Variants in UST observed in about 807,000 individuals in gnomAD.
UST encodes the protein chondroitin sulfate 2-O-sulfotransferase.
A neutral mutation model predicts 45.6 loss-of-function variants in UST; 21 were observed. The observed-to-expected ratio is 0.46, with a 90% CI of 0.33 to 0.66. UST has a LOEUF of 0.66. UST is among the 30% of genes least tolerant of loss of function. The pLI, the probability that UST is intolerant of heterozygous loss-of-function variation, is 0.02. For synonymous variants in UST, 215 were observed against 200.6 expected, an observed-to-expected ratio of 1.07 and a Z score of -0.61; for missense variants, 463 against 512.4, an observed-to-expected ratio of 0.90 and a Z score of 0.93.
intron 4 of UST, chr6:148,956,207 C>T (rs1780496623): frequency 6.5e-6 from 1 of 152,904 alleles, no homozygotes; most frequent in African/African-American, 2.4e-5. Flanking sequence ...ATGCTCTGAA[C>T]CTGTGAAGGA....
chr6:148,886,913 C>G (rs1210546597), intron 1 of UST, 73 bp from the exon 2 acceptor site: 3 of 1,264,760 alleles, frequency 2.4e-6, no homozygotes, highest in Non-Finnish European at 3.5e-6. Context: ...GAATGCTTAT[C>G]TTCAATAACT....
intron 7 of UST, among the ~76,000 whole-genome samples, chr6:149,058,528 T>C (rs1582981309): frequency 1.3e-5 from 2 of 152,168 alleles, no homozygotes; most frequent in East Asian, 3.8e-4. Flanking sequence ...AATTGTCAGA[T>C]ACCAAAAGAA....
At position 148,934,913 on chromosome 6, in the gene UST, T is replaced by C. The variant is rs899713787; in HGVS notation, c.292-6366T>C. On this transcript the variant is annotated intron_variant, in intron 2 of 7. Transcript: ENST00000367463. This position sits in a 1 kb window ranked among gnomAD's most constrained non-coding sequence, Gnocchi z 4.1. ...ACCACAGCTTGTACTATATTAAGTA[T>C]CATTTTGCAGAGAATTAAAAGCAGC... Among the ~76,000 whole-genome samples, 3 of 152,246 alleles carry C rather than the reference T, an allele frequency of 2.0e-5. No individual in the cohort carries two copies. The highest frequency in any genetic ancestry group is 7.2e-5 in the African/African-American group (3 of 41,466).
chr6:149,001,321 T>C (rs1348053734), intron 5 of UST, among the ~76,000 whole-genome samples: 2 of 152,214 alleles, frequency 1.3e-5, no homozygotes, highest in Admixed American at 6.5e-5. Context: ...TCTGCCCACC[T>C]TGGCCTCCCA....
At chr6:148,931,043 T>G (rs1426485210) in intron 2 of UST, among the ~76,000 whole-genome samples, 1 of 152,242 alleles carries the variant, frequency 6.6e-6, no homozygotes, top group African/African-American at 2.4e-5. Context: ...TCCCCAGCCT[T>G]TATACTATTT....
chr6:148,753,924 G>A (rs139746503), intron 1 of UST, among the ~76,000 whole-genome samples: 283 of 151,912 alleles, frequency 1.9e-3, no homozygotes, highest in Non-Finnish European at 3.0e-3. Flanking sequence ...TAATGATGTC[G>A]AGTATCTTTT....
intron 5 of UST, among the ~76,000 whole-genome samples, chr6:148,989,516 T>C (rs1196362223): frequency 2.0e-5 from 3 of 152,220 alleles, no homozygotes; most frequent in Non-Finnish European, 2.9e-5. Flanking sequence ...GGATTTGCCT[T>C]TGTCCTTGTT....
chr6:149,058,531 C>T (rs1776605475), intron 7 of UST, among the ~76,000 whole-genome samples: 1 of 152,038 alleles, frequency 6.6e-6, no homozygotes, highest in Non-Finnish European at 1.5e-5. Context: ...TGTCAGATAC[C>T]AAAAGAATTT....
intron 5 of UST, among the ~76,000 whole-genome samples, chr6:148,980,004 C>T (rs1781098770): frequency 6.6e-6 from 1 of 152,136 alleles, no homozygotes; most frequent in African/African-American, 2.4e-5. Context: ...CGTATCTGGC[C>T]CATCCCAAAT....
intron 1 of UST, among the ~76,000 whole-genome samples, chr6:148,837,585 A>AT (rs1450603305): frequency 5.4e-4 from 83 of 152,334 alleles, no homozygotes; most frequent in Admixed American, 2.0e-3. Context: ...GTGGAAAAAT[A>AT]TGAGGATATG....
intron 5 of UST, among the ~76,000 whole-genome samples, chr6:149,010,913 A>AAAAAAACAAAAAAAAAAC (rs1554234080): frequency 3.2e-5 from 3 of 92,968 alleles, no homozygotes; most frequent in African/African-American, 4.4e-5. Context: ...AAAAAAAAAA[A>AAAAAAACAAAAAAAAAAC]AAAAAACTGT....
At chr6:149,023,011 G>A (rs1453663937) in intron 7 of UST, among the ~76,000 whole-genome samples, 5 of 152,082 alleles carry the variant, frequency 3.3e-5, no homozygotes, top group African/African-American at 1.2e-4. Flanking sequence ...CGTTCTTTGT[G>A]CAAGGAGAGG....
At chr6:149,025,781 C>A (rs769494727) in intron 7 of UST, among the ~76,000 whole-genome samples, 1 of 151,926 alleles carries the variant, frequency 6.6e-6, no homozygotes, top group Non-Finnish European at 1.5e-5. Context: ...GAAGCCAAGG[C>A]AGACAGATCA....
rs150807224 is a variant in UST, at chr6:148,753,497, T to C, written c.247+5820T>C. Among the ~76,000 whole-genome samples the C allele has an allele frequency of 1.3e-3, 202 of 152,356 alleles. 1 individual carries two copies. Among genetic ancestry groups the C allele is most frequent in the African/African-American group, 4.6e-3 (190 of 41,580 alleles). ...TTTTTTATGGCTGAATAATATTTCC[T>C]AAGAATTTTTTTTATTGCGGAATAA... On this transcript the variant is annotated intron_variant, in intron 1 of 7. Coordinates refer to ENST00000367463, the MANE Select transcript of UST (RefSeq NM_005715.3).
At chr6:148,810,000 G>A (rs978593341) in intron 1 of UST, among the ~76,000 whole-genome samples, 1 of 152,192 alleles carries the variant, frequency 6.6e-6, no homozygotes, top group South Asian at 2.1e-4. Context: ...TTCTCTGCTG[G>A]AGGACAGGGA....
At chr6:149,029,475 A>G (rs960828198) in intron 7 of UST, among the ~76,000 whole-genome samples, 2 of 145,278 alleles carry the variant, frequency 1.4e-5, no homozygotes, top group Admixed American at 7.0e-5. Flanking sequence ...TTATATATAT[A>G]ATGTATATAT....
chr6:148,938,755 GA>G (rs1231910432), intron 2 of UST, among the ~76,000 whole-genome samples: 2 of 151,068 alleles, frequency 1.3e-5, no homozygotes, highest in African/African-American at 2.4e-5. Flanking sequence ...TAATAGCTAT[GA>G]AAAATATATA....
intron 1 of UST, among the ~76,000 whole-genome samples, chr6:148,826,801 G>A (rs187799353): frequency 2.6e-5 from 4 of 152,270 alleles, no homozygotes; most frequent in African/African-American, 9.6e-5. Flanking sequence ...CTAAAGGGCT[G>A]CCTGCATTCC....
At chr6:148,825,743 C>A (rs918947455) in intron 1 of UST, among the ~76,000 whole-genome samples, 8 of 152,140 alleles carry the variant, frequency 5.3e-5, no homozygotes, top group Non-Finnish European at 1.2e-4. Context: ...GAGTTCTCAG[C>A]CTAATAGATG....
Sources: gnomAD v4.1 joint callset for allele counts (sites outside exome capture counted in the v4.1 genomes callset) on GRCh38, gnomAD v4.1.1 for gene constraint, Gnocchi (gnomAD v3.1) non-coding constraint, MANE v1.5 for transcripts, NCBI Gene and HGNC (gene_info 2026-07-23, HGNC 2026-07-21) for gene names.